Variants in CSMD1 observed in about 807,000 individuals in gnomAD.
The protein encoded by CSMD1 is CUB and sushi domain-containing protein 1.
Under a neutral mutation model 417.5 loss-of-function variants are expected in CSMD1, and 213 were observed. That is an observed-to-expected ratio of 0.51 (90% CI 0.46 to 0.57). CSMD1 has a LOEUF of 0.57. Among genes scored for constraint, CSMD1 ranks in the 20% least tolerant of loss-of-function variants. CSMD1 has a pLI of 0.00. For synonymous variants in CSMD1, 2,862 were observed against 1,736.8 expected (o/e 1.65, Z -16.11); for missense variants, 6,923 against 4,529.7 (o/e 1.53, Z -15.17).
At chr8:3,796,638 A>T (rs1017114723) in intron 5 of CSMD1, among the ~76,000 whole-genome samples, 1 of 149,186 alleles carries the variant, frequency 6.7e-6, no homozygotes, top group Non-Finnish European at 1.5e-5. Flanking sequence ...CTTCTAATGT[A>T]TAGATATAGA....
rs552971689 is a variant in CSMD1 at position 4,601,987 on chromosome 8, G to C, written c.302+35355C>G. Among the ~76,000 whole-genome samples the C allele has an allele frequency of 3.9e-5, 6 of 152,242 alleles. No homozygotes were observed. The South Asian group carries it at 1.2e-3, about 32-fold the overall frequency. ...CTCAGAGCCAGCAACTGTACTCTCTGAAAGCTTTTATCTTTACCTTCCAAA... is the reference window on the plus strand; with the variant it reads ...CTCAGAGCCAGCAACTGTACTCTCTCAAAGCTTTTATCTTTACCTTCCAAA... On this transcript the variant is annotated intron_variant, in intron 2 of 69. Coordinates refer to ENST00000635120, the MANE Select transcript of CSMD1 (RefSeq NM_033225.6).
intron 5 of CSMD1, among the ~76,000 whole-genome samples, chr8:3,967,856 C>A (rs1449613144): frequency 6.6e-6 from 1 of 151,892 alleles, no homozygotes; most frequent in Non-Finnish European, 1.5e-5. Context: ...GACAGCATTT[C>A]CCTTGCTCGC....
At chr8:3,540,123 C>A (rs1248518067) in intron 10 of CSMD1, among the ~76,000 whole-genome samples, 1 of 152,060 alleles carries the variant, frequency 6.6e-6, no homozygotes, top group Admixed American at 6.5e-5. Flanking sequence ...TTTACGGTCA[C>A]AGTTTCAATA....
chr8:3,010,915 AT>A (rs1808337017), intron 52 of CSMD1, among the ~76,000 whole-genome samples: 1 of 151,776 alleles, frequency 6.6e-6, no homozygotes, highest in Non-Finnish European at 1.5e-5. Flanking sequence ...AGTAGTAGAG[AT>A]GAGGTTTCAC....
chr8:3,446,710 A>T (rs1303153199), intron 12 of CSMD1, among the ~76,000 whole-genome samples: 1 of 152,204 alleles, frequency 6.6e-6, no homozygotes, highest in Non-Finnish European at 1.5e-5. Context: ...ATTCTTGAAA[A>T]CTATTTTACT....
chr8:4,182,713 A>C (rs973724879), intron 3 of CSMD1, among the ~76,000 whole-genome samples: 11 of 152,260 alleles, frequency 7.2e-5, no homozygotes, highest in African/African-American at 2.2e-4. Context: ...AGTTAGAAAG[A>C]AAAAGAACAG....
intron 22 of CSMD1, among the ~76,000 whole-genome samples, chr8:3,344,806 T>C (rs1423915602): frequency 6.6e-6 from 1 of 152,168 alleles, no homozygotes; most frequent in Admixed American, 6.5e-5. Flanking sequence ...AGAAAATACA[T>C]TTAGAAAAGA....
chr8:3,313,024 T>C (rs1805471440), intron 23 of CSMD1, among the ~76,000 whole-genome samples: 2 of 152,192 alleles, frequency 1.3e-5, no homozygotes, highest in African/African-American at 4.8e-5. Context: ...AATAAGTTGA[T>C]GTGTAATAGG....
intron 3 of CSMD1, among the ~76,000 whole-genome samples, chr8:4,177,536 C>G (rs1190823196): frequency 4.6e-5 from 7 of 151,966 alleles, no homozygotes; most frequent in African/African-American, 9.7e-5. Context: ...AAAACAAGAG[C>G]AAACACATTC....
chr8:4,850,906 G>GCCCCC (rs537324171), intron 1 of CSMD1, among the ~76,000 whole-genome samples: 8 of 147,952 alleles, frequency 5.4e-5, no homozygotes, highest in African/African-American at 2.0e-4. Context: ...TGTTTCCCTT[G>GCCCCC]CCCCCCCACT....
At chr8:3,517,309 G>C (rs1045706992) in intron 10 of CSMD1, among the ~76,000 whole-genome samples, 3 of 152,194 alleles carry the variant, frequency 2.0e-5, no homozygotes, top group African/African-American at 4.8e-5. Context: ...AAGAGGGCTG[G>C]CAGAGAACAG....
At chr8:4,965,571 T>C (rs1424712260) in intron 1 of CSMD1, among the ~76,000 whole-genome samples, 1 of 152,214 alleles carries the variant, frequency 6.6e-6, no homozygotes, top group African/African-American at 2.4e-5. Flanking sequence ...CAGTTTTCTG[T>C]TTACTTCTTT....
chr8:4,430,350 C>G (rs1797805138), intron 2 of CSMD1, among the ~76,000 whole-genome samples: 1 of 152,096 alleles, frequency 6.6e-6, no homozygotes, highest in Non-Finnish European at 1.5e-5. Flanking sequence ...TCCTAAAAGG[C>G]TTACATCATT....
chr8:4,264,451 C>T (rs1424525611), intron 3 of CSMD1, among the ~76,000 whole-genome samples: 2 of 152,140 alleles, frequency 1.3e-5, no homozygotes, highest in South Asian at 2.1e-4. Context: ...ATTACTGGTA[C>T]ACAAATTTGC....
chr8:3,790,858 C>A lies in CSMD1; in HGVS notation c.819-36816G>T, dbSNP rs551454546. Among the ~76,000 whole-genome samples, 15 of 152,250 alleles carry A rather than the reference C, an allele frequency of 9.9e-5. 2 individuals carry two copies. Among genetic ancestry groups the A allele is most frequent in the African/African-American group, 3.4e-4 (14 of 41,538 alleles). Reference sequence around the variant, plus strand: ...CCTGAGTAACCGTCCCTCTCCCAGGCAGCTACTTTTTGAGATGGAAACTGT... The same window carrying A: ...CCTGAGTAACCGTCCCTCTCCCAGGAAGCTACTTTTTGAGATGGAAACTGT... On this transcript the variant is annotated intron_variant, in intron 5 of 69. Transcript: ENST00000635120.
intron 3 of CSMD1, among the ~76,000 whole-genome samples, chr8:4,289,909 C>G (rs1044126092): frequency 2.6e-5 from 4 of 152,188 alleles, no homozygotes; most frequent in Admixed American, 6.5e-5. Flanking sequence ...AATGGTACCT[C>G]TGAGTGCAAG....
At chr8:4,288,774 C>T (rs561434701) in intron 3 of CSMD1, among the ~76,000 whole-genome samples, 23 of 152,284 alleles carry the variant, frequency 1.5e-4, no homozygotes, top group Admixed American at 1.3e-3. Context: ...AGATCTGATA[C>T]CTGTCAGGTC....
chr8:3,402,746 C>G (rs1812114218), intron 15 of CSMD1, among the ~76,000 whole-genome samples: 1 of 152,012 alleles, frequency 6.6e-6, no homozygotes, highest in Non-Finnish European at 1.5e-5. Context: ...AACAGTTTGT[C>G]TATTTTATTG....
chr8:4,312,739 T>G (rs1798702280), intron 3 of CSMD1, among the ~76,000 whole-genome samples: 1 of 152,020 alleles, frequency 6.6e-6, no homozygotes, highest in Admixed American at 6.6e-5. Flanking sequence ...CCAGGCGTGG[T>G]GGCAGATACC....
Sources: gnomAD v4.1 joint callset for allele counts (sites outside exome capture counted in the v4.1 genomes callset) on GRCh38, gnomAD v4.1.1 for gene constraint, MANE v1.5 for transcripts, NCBI Gene and HGNC (gene_info 2026-07-23, HGNC 2026-07-21) for gene names.